Variants in ADAM32 observed in about 807,000 individuals in gnomAD.
The protein encoded by ADAM32 is ADAM metallopeptidase domain 32, also known as disintegrin and metalloproteinase domain-containing protein 32.
A neutral mutation model predicts 114.9 loss-of-function variants in ADAM32; 89 were observed. The ratio of observed to expected loss-of-function variants is 0.77; its 90% CI spans 0.65 to 0.92. ADAM32 has a LOEUF of 0.92. Ranked by LOEUF, ADAM32 falls within the 40% of genes least tolerant of loss-of-function variation. ADAM32 has a pLI of 0.00. For synonymous variants in ADAM32, 285 were observed against 307.5 expected, an observed-to-expected ratio of 0.93 and a Z score of 0.77; for missense variants, 870 against 932.8, an observed-to-expected ratio of 0.93 and a Z score of 0.88.
chr8:39,158,088 C>A, intron 6 of ADAM32: 1 of 245,582 alleles, frequency 4.1e-6, no homozygotes, highest in Non-Finnish European at 8.1e-6. Flanking sequence ...TCATCTTGTC[C>A]TGCCCAAACG....
intron 18 of ADAM32, among the ~76,000 whole-genome samples, chr8:39,255,855 T>C (rs1811618987): frequency 1.3e-5 from 2 of 152,094 alleles, no homozygotes; most frequent in Non-Finnish European, 2.9e-5. Flanking sequence ...TTTTATGGTT[T>C]CAGGTCTTAA....
In ADAM32 at chr8:39,186,976, G is replaced by T; in HGVS notation, c.983G>T (p.Gly328Val). ...IVTQMLALSL[G>V]ISYDDPKKCQ... ...ACCCAGATGCTGGCACTCAGTCTGG[G>T]AATATCATATGACGACCCAAAGAAA... is the stretch of plus-strand genomic sequence containing the variant. The change falls in exon 11 of 25, where the codon GGA becomes GTA. Residue 328 changes from glycine to valine, a missense_variant. Coordinates refer to ENST00000379907, the MANE Select transcript of ADAM32 (RefSeq NM_145004.7). 1 of 1,613,116 alleles carries T rather than the reference G, an allele frequency of 6.2e-7. No homozygotes were observed. Among genetic ancestry groups the T allele is most frequent in the Non-Finnish European group, 8.5e-7 (1 of 1,179,302 alleles).
intron 3 of ADAM32, among the ~76,000 whole-genome samples, chr8:39,140,766 G>A (rs1383928244): frequency 6.6e-6 from 1 of 152,176 alleles, no homozygotes; most frequent in African/African-American, 2.4e-5. Context: ...GAATTTGGCT[G>A]TGAATCTGTC....
At chr8:39,116,839 C>A (rs1840397050) in intron 1 of ADAM32, among the ~76,000 whole-genome samples, 1 of 151,734 alleles carries the variant, frequency 6.6e-6, no homozygotes, top group African/African-American at 2.4e-5. Context: ...AGGCTTTCAA[C>A]TTTTCCCCAT....
chr8:39,190,864 C>T (rs1256769026), intron 11 of ADAM32, among the ~76,000 whole-genome samples: 1 of 152,144 alleles, frequency 6.6e-6, no homozygotes, highest in Non-Finnish European at 1.5e-5. Flanking sequence ...TTTTGCCACC[C>T]ATGTACTAAG....
chr8:39,275,958 A>G (rs1243219882), intron 22 of ADAM32, 92 bp downstream of exon 22: 1 of 1,232,074 alleles, frequency 8.1e-7, no homozygotes, highest in African/African-American at 1.5e-5. Flanking sequence ...CTTGCTAACT[A>G]TTAACTGAGT....
intron 22 of ADAM32, among the ~76,000 whole-genome samples, chr8:39,279,849 A>G (rs2129451708): frequency 6.6e-6 from 1 of 152,264 alleles, no homozygotes; most frequent in Admixed American, 6.5e-5. Flanking sequence ...GATTGTTCTC[A>G]TGGGACTTCT....
chr8:39,179,323 G>A (rs1259311954), intron 10 of ADAM32, among the ~76,000 whole-genome samples: 1 of 152,226 alleles, frequency 6.6e-6, no homozygotes. Flanking sequence ...CCAGCCTGCT[G>A]CTACTGGCTG....
At chr8:39,120,013 G>T (rs1347485262) in intron 2 of ADAM32, among the ~76,000 whole-genome samples, 2 of 152,186 alleles carry the variant, frequency 1.3e-5, no homozygotes, top group East Asian at 3.8e-4. Flanking sequence ...GGTCATGAAA[G>T]GATACAACAA....
At chr8:39,284,719 C>A in intron 24 of ADAM32, 74 bp from the exon 25 acceptor site, 1 of 1,549,584 alleles carries the variant, frequency 6.5e-7, no homozygotes, top group South Asian at 1.1e-5. Context: ...TTGGCAATAC[C>A]TCAGCTGCTT....
chr8:39,228,004 ACT>A (rs1381979515), intron 14 of ADAM32, among the ~76,000 whole-genome samples: 7 of 151,952 alleles, frequency 4.6e-5, no homozygotes, highest in Non-Finnish European at 8.8e-5. Flanking sequence ...ACATTAGAAG[ACT>A]CTGTGCAGAC....
At chr8:39,168,199 T>A (rs1027463801) in intron 9 of ADAM32, 31 of 152,260 alleles carry the variant, frequency 2.0e-4, no homozygotes, top group African/African-American at 7.2e-4. Context: ...AAAGAATATA[T>A]TTGCAAGAAG....
At chr8:39,222,932 T>C (rs1809082178) in intron 13 of ADAM32, 108 bp from the exon 14 acceptor site, 1 of 840,942 alleles carries the variant, frequency 1.2e-6, no homozygotes, top group Admixed American at 3.5e-5. Context: ...TTAATATACA[T>C]TAATGGATAG....
At chr8:39,135,160 A>AAAAAAC (rs1341025024) in intron 2 of ADAM32, among the ~76,000 whole-genome samples, 1 of 152,198 alleles carries the variant, frequency 6.6e-6, no homozygotes, top group Non-Finnish European at 1.5e-5. Context: ...TGTCGCAAGA[A>AAAAAAC]AAAAACAAAA....
rs4733994 is a variant in ADAM32, at chr8:39,270,868, C to A, written c.2163-8C>A. ...TACTAACATGAGACATTTTCAATTTCTTTTTAGATCTAAATCGGAAGGTAG... is the reference window on the plus strand; with the variant it reads ...TACTAACATGAGACATTTTCAATTTATTTTTAGATCTAAATCGGAAGGTAG... On this transcript the variant is annotated splice_region_variant and splice_polypyrimidine_tract_variant and intron_variant, in intron 19 of 24. Coordinates refer to ENST00000379907, the MANE Select transcript of ADAM32 (RefSeq NM_145004.7). The A allele has an allele frequency of 7.5e-6, 12 of 1,603,782 alleles. No individual in the cohort carries two copies. The highest frequency in any genetic ancestry group is 1.0e-5 in the Non-Finnish European group (12 of 1,173,776).
At chr8:39,160,132 A>G (rs1227237696) in intron 6 of ADAM32, among the ~76,000 whole-genome samples, 2 of 152,180 alleles carry the variant, frequency 1.3e-5, no homozygotes, top group Non-Finnish European at 2.9e-5. Flanking sequence ...TGGCAAAACA[A>G]CACTTCTATT....
chr8:39,137,797 G>C (rs1802896384), intron 3 of ADAM32, among the ~76,000 whole-genome samples: 1 of 148,226 alleles, frequency 6.7e-6, no homozygotes, highest in Non-Finnish European at 1.5e-5. Context: ...GTGTAAACAA[G>C]TGGTTTATTG....
chr8:39,268,673 C>T (rs1812517608), intron 19 of ADAM32, among the ~76,000 whole-genome samples: 1 of 152,082 alleles, frequency 6.6e-6, no homozygotes, highest in Non-Finnish European at 1.5e-5. Flanking sequence ...TTGCCTAACC[C>T]AAGTTCACAG....
rs775310529 is a variant in ADAM32, at chr8:39,232,050, T to C, written c.1549T>C (p.Cys517Arg). The C allele has an allele frequency of 1.4e-5, 23 of 1,611,734 alleles. No homozygotes were observed. Among genetic ancestry groups the C allele is most frequent in the Non-Finnish European group, 1.8e-5 (21 of 1,178,820 alleles). ...AGGTTCAAGAAATGCTCCATTTGCCTGCTATGAAGAAATACAATCTCAATC... is the reference window on the plus strand; with the variant it reads ...AGGTTCAAGAAATGCTCCATTTGCCCGCTATGAAGAAATACAATCTCAATC... The part of the protein sequence containing the change: ...GKGSRNAPFA[C>R]YEEIQSQSDR... The change falls in exon 15 of 25, where the codon TGC (cysteine) becomes CGC (arginine). Residue 517 changes from cysteine to arginine, a missense_variant. Physicochemically the swap from Cys to Arg is radical, Grantham distance 180. Transcript: ENST00000379907.
Sources: allele counts gnomAD v4.1 joint callset (sites outside exome capture counted in the v4.1 genomes callset), GRCh38; gene constraint gnomAD v4.1.1; transcripts MANE v1.5; gene names NCBI Gene and HGNC (gene_info 2026-07-23, HGNC 2026-07-21).